The following USP40 variants were observed in gnomAD, a reference collection of about 807,000 sequenced individuals.
USP40 encodes ubiquitin carboxyl-terminal hydrolase 40.
In USP40, 143 loss-of-function variants were observed where a neutral mutation model predicts 166.2. The ratio of observed to expected loss-of-function variants is 0.86; its 90% CI spans 0.75 to 0.99. The LOEUF is 0.99. USP40 is among the 50% of genes least tolerant of loss of function. The pLI is 0.00. For missense variants in USP40, 1,444 were observed against 1,479.7 expected, an observed-to-expected ratio of 0.98 and a Z score of 0.40; for synonymous variants, 498 against 524.0, an observed-to-expected ratio of 0.95 and a Z score of 0.68.
intron 13 of USP40, among the ~76,000 whole-genome samples, chr2:233,526,349 T>A (rs958198905): frequency 5.3e-5 from 8 of 152,058 alleles, no homozygotes; most frequent in African/African-American, 1.7e-4. Flanking sequence ...ATTTAAAATA[T>A]CCCCCTAGAC....
Position 233,486,611 on chromosome 2 carries a change from G to C in USP40, c.3198-634C>G, listed in dbSNP as rs552752824. On this transcript the variant is annotated intron_variant, in intron 28 of 31. Transcript: ENST00000678225. This position sits in a 1 kb window ranked among gnomAD's most constrained non-coding sequence, Gnocchi z 4.0. ...ATAGATAAGAACTGGAAGGCAGCAA[G>C]GGGAAATGAAGACTGGTTCTTAGGA... Among the ~76,000 whole-genome samples, 19 of 152,314 alleles carry C rather than the reference G, an allele frequency of 1.2e-4. No homozygotes were observed. The highest frequency in any genetic ancestry group is 4.3e-4 in the African/African-American group (18 of 41,572).
At chr2:233,487,993 G>T (rs1473279437) in intron 28 of USP40, 1 of 664,114 alleles carries the variant, frequency 1.5e-6, no homozygotes. Flanking sequence ...GGCCATCATG[G>T]GGTCAATATG....
At chr2:233,540,821 T>C in intron 9 of USP40, 52 bp from the exon 10 acceptor site, 2 of 1,305,768 alleles carry the variant, frequency 1.5e-6, no homozygotes, top group Middle Eastern at 1.9e-4. Flanking sequence ...AATAATTGCA[T>C]ACTTAACAAA....
intron 10 of USP40, among the ~76,000 whole-genome samples, chr2:233,535,587 C>T (rs896457332): frequency 1.3e-5 from 2 of 152,136 alleles, no homozygotes; most frequent in African/African-American, 4.8e-5. Context: ...TTGTAACAGA[C>T]CCACCCTAAA....
chr2:233,494,438 T>C (rs1022034407), intron 24 of USP40, among the ~76,000 whole-genome samples: 2 of 152,190 alleles, frequency 1.3e-5, no homozygotes, highest in Non-Finnish European at 2.9e-5. Flanking sequence ...GCAAGTCCTT[T>C]GACCCAGCCA....
chr2:233,547,252 A>G (rs6756068), intron 8 of USP40, among the ~76,000 whole-genome samples: 120,317 of 152,100 alleles, frequency 0.79, 47,673 homozygotes, highest in East Asian at 0.87. Flanking sequence ...TCAATACATC[A>G]GCCACAAACA....
chr2:233,559,156 C>T (rs2071358473), intron 4 of USP40, among the ~76,000 whole-genome samples: 1 of 152,144 alleles, frequency 6.6e-6, no homozygotes. Flanking sequence ...CAACAAGCAC[C>T]TTTACTCATT....
At chr2:233,482,582 G>GTTTTTTTTT (rs1203339243) in intron 30 of USP40, among the ~76,000 whole-genome samples, 19 of 137,008 alleles carry the variant, frequency 1.4e-4, no homozygotes, top group African/African-American at 4.5e-4. Context: ...TCCCACTGGA[G>GTTTTTTTTT]TTTTTTTTTT....
chr2:233,551,742 G>A (rs4663698), intron 6 of USP40, among the ~76,000 whole-genome samples: 122,319 of 152,120 alleles, frequency 0.8, 49,340 homozygotes, highest in East Asian at 0.96. Context: ...TTTACAACCC[G>A]GTTTTATCTT....
intron 26 of USP40, among the ~76,000 whole-genome samples, chr2:233,490,239 T>C (rs1190743595): frequency 6.8e-6 from 1 of 146,754 alleles, no homozygotes; most frequent in Non-Finnish European, 1.5e-5. Flanking sequence ...TCTCAGCTCA[T>C]TGCAACCTCC....
At chr2:233,479,561 C>CAAAAA (rs1295940321) in intron 31 of USP40, among the ~76,000 whole-genome samples, 3,508 of 96,166 alleles carry the variant, frequency 0.036, 130 homozygotes, top group African/African-American at 0.098. Flanking sequence ...GACTCCGTCG[C>CAAAAA]AAAAAAAAAA....
At chr2:233,494,032 C>T (rs2065508609) in intron 24 of USP40, among the ~76,000 whole-genome samples, 1 of 152,170 alleles carries the variant, frequency 6.6e-6, no homozygotes, top group African/African-American at 2.4e-5. Context: ...TTCTTCCCAC[C>T]TCATTTTTTG....
At chr2:233,510,796 T>C (rs1321862428) in intron 20 of USP40, among the ~76,000 whole-genome samples, 1 of 152,214 alleles carries the variant, frequency 6.6e-6, no homozygotes, top group African/African-American at 2.4e-5. Flanking sequence ...AGCATTAGTA[T>C]GTTTTTTCTG....
At chr2:233,502,456 A>G (rs966755221) in intron 21 of USP40, among the ~76,000 whole-genome samples, 1 of 152,184 alleles carries the variant, frequency 6.6e-6, no homozygotes. Context: ...AAATGCTCCA[A>G]TGAATATTTT....
chr2:233,564,166 C>T (rs557009156), intron 2 of USP40, among the ~76,000 whole-genome samples: 26 of 152,010 alleles, frequency 1.7e-4, no homozygotes, highest in Non-Finnish European at 2.6e-4. Context: ...AAGGTAACAG[C>T]GGTAAATATT....
intron 11 of USP40, among the ~76,000 whole-genome samples, chr2:233,529,743 T>C (rs762907307): frequency 6.6e-6 from 1 of 152,156 alleles, no homozygotes; most frequent in African/African-American, 2.4e-5. Flanking sequence ...ATTCCATTTT[T>C]TCAACTCTTT....
chr2:233,501,464 C>G (rs1404264759), intron 21 of USP40, among the ~76,000 whole-genome samples: 2 of 152,118 alleles, frequency 1.3e-5, no homozygotes, highest in Non-Finnish European at 2.9e-5. Context: ...AAGGATCACT[C>G]AACTTTTTAT....
intron 10 of USP40, 63 bp downstream of exon 10, chr2:233,540,599 G>A (rs1472228865): frequency 2.6e-5 from 26 of 991,300 alleles, no homozygotes; most frequent in Non-Finnish European, 3.8e-5. Context: ...AGGAATTCAT[G>A]TTGTTGCGAT....
intron 8 of USP40, among the ~76,000 whole-genome samples, chr2:233,547,810 A>T (rs1320181063): frequency 6.6e-6 from 1 of 152,232 alleles, no homozygotes; most frequent in African/African-American, 2.4e-5. Context: ...CCCACTGAGT[A>T]TGTGTGTGTA....
Sources: gnomAD v4.1 joint callset for allele counts (sites outside exome capture counted in the v4.1 genomes callset) on GRCh38, gnomAD v4.1.1 for gene constraint, Gnocchi (gnomAD v3.1) non-coding constraint, MANE v1.5 for transcripts, NCBI Gene and HGNC (gene_info 2026-07-23, HGNC 2026-07-21) for gene names.